Variants in NODAL observed in about 807,000 individuals in gnomAD.
NODAL encodes nodal homolog.
Under a neutral mutation model 34.0 loss-of-function variants are expected in NODAL, and 12 were observed. The observed-to-expected ratio is 0.35, with a 90% CI of 0.23 to 0.57. The LOEUF (loss-of-function observed/expected upper bound fraction) is 0.57, where lower values mean the gene tolerates loss of function less well. Among genes scored for constraint, NODAL ranks in the 20% least tolerant of loss-of-function variants. The pLI, the probability that NODAL is intolerant of heterozygous loss-of-function variation, is 0.83. For synonymous variants in NODAL, 162 were observed against 186.4 expected (o/e 0.87, Z 1.07); for missense variants, 390 against 444.2 (o/e 0.88, Z 1.10).
At chr10:70,441,213 C>T (rs1845425899) in intron 1 of NODAL, among the ~76,000 whole-genome samples, 1 of 152,272 alleles carries the variant, frequency 6.6e-6, no homozygotes, top group Admixed American at 6.5e-5. Context: ...AGACAATGGT[C>T]CCCGTCGAGG....
intron 1 of NODAL, among the ~76,000 whole-genome samples, chr10:70,438,251 G>A (rs537396446): frequency 5.3e-5 from 8 of 152,230 alleles, no homozygotes; most frequent in South Asian, 4.1e-4. Context: ...CTGAGATTGC[G>A]CCATTGCACT....
Position 70,435,857 on chromosome 10 carries a change from C to T in NODAL, c.320G>A (p.Gly107Asp), listed in dbSNP as rs1275535870. The T allele has an allele frequency of 6.2e-7, 1 of 1,614,110 alleles. No homozygotes were observed. The highest frequency in any genetic ancestry group is 8.5e-7 in the Non-Finnish European group (1 of 1,180,044). ...LSSPVDLPTE[G>D]SLAIEIFHQP... ...GTGGAAAATCTCAATGGCAAGTGAG[C>T]CCTCAGTGGGGAGGTCCACAGGGCT... The change falls in exon 2 of 3, where the codon GGC becomes GAC. Residue 107 changes from glycine to aspartate, a missense_variant. By Grantham distance (94) the Gly-to-Asp change is moderately conservative. Transcript: ENST00000287139.
intron 1 of NODAL, among the ~76,000 whole-genome samples, chr10:70,440,884 C>T (rs972548284): frequency 2.0e-5 from 3 of 152,310 alleles, no homozygotes; most frequent in East Asian, 3.9e-4. Flanking sequence ...ATGTTACCAG[C>T]TCAGCTGCCG....
intron 2 of NODAL, among the ~76,000 whole-genome samples, chr10:70,433,779 A>G (rs978170469): frequency 6.6e-6 from 1 of 152,224 alleles, no homozygotes; most frequent in African/African-American, 2.4e-5. Flanking sequence ...ATGAAGCAGA[A>G]TAGTTAGTCA....
chr10:70,445,911 G>A (rs535025352), upstream of NODAL, among the ~76,000 whole-genome samples: 15 of 152,310 alleles, frequency 9.8e-5, no homozygotes, highest in South Asian at 2.9e-3. Context: ...TATTGGCTTA[G>A]AGCCCTGTGG....
chr10:70,435,970 A>T lies in NODAL; in HGVS notation c.207T>A (p.Asp69Glu). 1 of 1,614,174 alleles carries T rather than the reference A, an allele frequency of 6.2e-7. No homozygotes were observed. Among genetic ancestry groups the T allele is most frequent in the African/African-American group, 1.3e-5 (1 of 75,048 alleles). Residue 69 changes from aspartate (D) to glutamate (E), a missense_variant, in exon 2 of 3, where the codon GAT becomes GAA. Asp to Glu is a conservative substitution (Grantham distance 45). Coordinates refer to ENST00000287139, the MANE Select transcript of NODAL (RefSeq NM_018055.5). ...RSLQAEDVAV[D>E]GQNWTFAFDF... Reference sequence around the variant, plus strand: ...CAAAAGCAAACGTCCAGTTCTGCCCATCCACTGCCACATCTGGGTAGGAGA... The same window carrying T: ...CAAAAGCAAACGTCCAGTTCTGCCCTTCCACTGCCACATCTGGGTAGGAGA...
At chr10:70,444,451 G>A (rs1845467136), upstream of NODAL, among the ~76,000 whole-genome samples, 1 of 151,634 alleles carries the variant, frequency 6.6e-6, no homozygotes, top group Non-Finnish European at 1.5e-5. Flanking sequence ...TGCCTCAGTA[G>A]CTGTAATTTC....
chr10:70,435,683 T>C lies in NODAL; in HGVS notation c.494A>G (p.His165Arg), dbSNP rs1904589. The change falls in exon 2 of 3, where the codon CAC becomes CGC. Residue 165 changes from histidine to arginine, a missense_variant. His to Arg is a conservative substitution (Grantham distance 29). Transcript: ENST00000287139. ...CATCTGCTTCTCCAGGGCCCCAGGG[T>C]GCTTCAGCCACTTGGAGAGAGGCCT... The part of the protein sequence containing the change: ...VTRPLSKWLK[H>R]PGALEKQMSR... 940,147 of 1,613,808 alleles carry C rather than the reference T, an allele frequency of 0.58. 278,726 individuals are homozygous for C. The highest frequency in any genetic ancestry group is 0.95 in the East Asian group (42,637 of 44,872).
chr10:70,433,207 C>T lies in NODAL; in HGVS notation c.892-119G>A, dbSNP rs984930089. 2.7e-6 allele frequency: 3 copies of T among 1,105,220 alleles called. No homozygotes were observed. The African/African-American group carries it at 4.6e-5, about 17-fold the overall frequency. The allele number at this position is 1,105,220 out of a possible 1,614,324, so 68.5% of individuals were successfully genotyped here. On this transcript the variant is annotated intron_variant, in intron 2 of 2. Coordinates refer to ENST00000287139, the MANE Select transcript of NODAL (RefSeq NM_018055.5). The stretch of plus-strand genomic sequence containing the variant: ...AGTCAGTTCCTGAGTGCAAAAATAG[C>T]AGAAAATTATTTTCATAAAGGAATT...
chr10:70,442,980 T>C (rs1026561715), upstream of NODAL, among the ~76,000 whole-genome samples: 26 of 152,050 alleles, frequency 1.7e-4, no homozygotes, highest in Non-Finnish European at 5.9e-5. Context: ...CCAGCTCCTC[T>C]GGAGGCTGAA....
intron 2 of NODAL, 27 bp from the exon 3 acceptor site, chr10:70,433,115 A>G (rs372678936): frequency 4.3e-6 from 7 of 1,612,930 alleles, no homozygotes; most frequent in East Asian, 2.2e-5. Flanking sequence ...GGGTGTGTCA[A>G]TTCACATCCT....
chr10:70,434,176 T>G (rs918486435), intron 2 of NODAL, among the ~76,000 whole-genome samples: 4 of 152,146 alleles, frequency 2.6e-5, no homozygotes, highest in Non-Finnish European at 5.9e-5. Flanking sequence ...AATGAAAACA[T>G]TTTGGTCCCA....
At position 70,432,402 on chromosome 10, in the gene NODAL, G is replaced by A. The variant is rs1436101851; in HGVS notation, c.*534C>T. On this transcript the variant is annotated 3_prime_UTR_variant, in exon 3 of 3. Coordinates refer to ENST00000287139, the MANE Select transcript of NODAL (RefSeq NM_018055.5). ...GGACAAGGCCAGTAGATTGCCACTG[G>A]CCAGCCAGAAAGCTGTGGGGCTCCC... 5.3e-6 allele frequency: 1 copy of A among 188,282 alleles called. No homozygotes were observed. The highest frequency in any genetic ancestry group is 5.3e-5 in the Admixed American group (1 of 18,812). 11.7% of individuals were successfully genotyped at this position (188,282 alleles called of 1,614,324 possible).
upstream of NODAL, among the ~76,000 whole-genome samples, chr10:70,444,054 T>A (rs1209983224): frequency 6.7e-6 from 1 of 150,292 alleles, no homozygotes; most frequent in African/African-American, 2.4e-5. Context: ...TGCTTCAGCC[T>A]CCCGAGTAGG....
upstream of NODAL, among the ~76,000 whole-genome samples, chr10:70,443,413 G>A (rs1393911460): frequency 1.3e-5 from 2 of 152,208 alleles, no homozygotes; most frequent in South Asian, 2.1e-4. Flanking sequence ...TTCAGGCCAG[G>A]TGTGGTGGTT....
chr10:70,447,652 C>A lies in NODAL; in HGVS notation c.28+272G>T, dbSNP rs528577972. ...CTCCAGCCTGGGTGACAGAGTGAGA[C>A]CCTGTCTCAGGAAAAAAAAAAAGAA... On this transcript the variant is annotated intron_variant, in intron 1 of 2. Transcript: ENST00000414871. Among the ~76,000 whole-genome samples, 11 of 106,696 alleles carry A rather than the reference C, an allele frequency of 1.0e-4. No homozygotes were observed. The East Asian group carries it at 1.4e-3, about 14-fold the overall frequency. 70.0% of individuals were successfully genotyped at this position (106,696 alleles called of 152,430 possible). A position where few individuals can be genotyped will look rare whatever the true frequency, so the allele number is the denominator to read the frequency against.
In NODAL at chr10:70,435,271, C is replaced by A. The variant is rs369869149; in HGVS notation, c.891+15G>T. Reference sequence around the variant, plus strand: ...AGCTTACTGCCTCCCCTCCCCCTCACGCCTGGCATCCCACCTGGATGTATG... The same window carrying A: ...AGCTTACTGCCTCCCCTCCCCCTCAAGCCTGGCATCCCACCTGGATGTATG... On this transcript the variant is annotated intron_variant, in intron 2 of 2. Transcript: ENST00000287139. The A allele has an allele frequency of 1.9e-6, 3 of 1,594,674 alleles. No individual in the cohort carries two copies. The highest frequency in any genetic ancestry group is 2.7e-5 in the African/African-American group (2 of 74,490).
In NODAL at chr10:70,435,802, T is replaced by C. The variant is rs752407612; in HGVS notation, c.375A>G (p.Ser125=). ...HQPKPDTEQA[S]DSCLERFQMD... ...TCTGAAACCGCTCTAAGCAGCTGTC[T>C]GAAGCCTGCTCTGTGTCGGGCTTTG... Residue 125 remains serine, a synonymous_variant, in exon 2 of 3, where the codon TCA becomes TCG. Transcript: ENST00000287139. 23 of 1,614,038 alleles carry C rather than the reference T, an allele frequency of 1.4e-5. No individual in the cohort carries two copies. Among genetic ancestry groups the C allele is most frequent in the Non-Finnish European group, 1.9e-5 (23 of 1,180,058 alleles).
chr10:70,440,477 G>A (rs1475423358), intron 1 of NODAL, among the ~76,000 whole-genome samples: 1 of 152,190 alleles, frequency 6.6e-6, no homozygotes, highest in African/African-American at 2.4e-5. Context: ...AGGTCACAAG[G>A]GGCGGGCAGG....
Sources: gnomAD v4.1 joint callset for allele counts (sites outside exome capture counted in the v4.1 genomes callset) on GRCh38, gnomAD v4.1.1 for gene constraint, MANE v1.5 for transcripts, NCBI Gene and HGNC (gene_info 2026-07-23, HGNC 2026-07-21) for gene names.